The following R3HDM2 variants were observed in gnomAD, a reference collection of about 807,000 sequenced individuals.
R3HDM2 encodes the protein R3H domain-containing protein 2.
A neutral mutation model predicts 124.5 loss-of-function variants in R3HDM2; 38 were observed. The ratio of observed to expected loss-of-function variants is 0.31; its 90% CI spans 0.24 to 0.40. The LOEUF is 0.40. Among genes scored for constraint, R3HDM2 ranks in the 10% least tolerant of loss-of-function variants. The pLI, the probability that R3HDM2 is intolerant of heterozygous loss-of-function variation, is 1.00. For missense variants in R3HDM2, 869 were observed against 1,236.9 expected (o/e 0.70, Z 4.46); for synonymous variants, 391 against 448.0 (o/e 0.87, Z 1.61).
chr12:57,365,158 G>T (rs2062474525), intron 2 of R3HDM2, among the ~76,000 whole-genome samples: 1 of 151,288 alleles, frequency 6.6e-6, no homozygotes, highest in Non-Finnish European at 1.5e-5. Flanking sequence ...CAGCTACTAG[G>T]GAGGCTGAGA....
chr12:57,374,574 T>G (rs544613778), intron 2 of R3HDM2, among the ~76,000 whole-genome samples: 2 of 148,170 alleles, frequency 1.3e-5, no homozygotes, highest in African/African-American at 5.0e-5. Context: ...TCCCAGCTAC[T>G]TGGGAGGCTG....
intron 1 of R3HDM2, among the ~76,000 whole-genome samples, chr12:57,425,309 CTAATA>C (rs1475787045): frequency 6.6e-6 from 1 of 152,044 alleles, no homozygotes; most frequent in Non-Finnish European, 1.5e-5. Context: ...ATGAGAACTA[CTAATA>C]TAATTCTAGA....
chr12:57,257,216 T>C (rs953675264), intron 21 of R3HDM2, among the ~76,000 whole-genome samples: 1 of 152,182 alleles, frequency 6.6e-6, no homozygotes, highest in African/African-American at 2.4e-5. Flanking sequence ...GACAAGAGCA[T>C]AGTCGTGGAG....
chr12:57,318,901 G>A (rs2055761610), intron 2 of R3HDM2, among the ~76,000 whole-genome samples: 1 of 152,094 alleles, frequency 6.6e-6, no homozygotes, highest in South Asian at 2.1e-4. Flanking sequence ...CACACAACTG[G>A]CATATGGCAG....
chr12:57,254,958 C>T lies in R3HDM2; in HGVS notation c.2788G>A (p.Gly930Arg). 5.0e-6 allele frequency: 8 copies of T among 1,614,086 alleles called. No homozygotes were observed. Among genetic ancestry groups the T allele is most frequent in the Non-Finnish European group, 6.8e-6 (8 of 1,179,982 alleles). ...LPGGGGGDNS[G>R]TAENGRHSDL... is the part of the protein sequence containing the mutation. ...GAGTGGCGGCCATTCTCAGCAGTCC[C>T]ACTGTTGTCCCCCCCACCCCCTCCA... Residue 930 changes from glycine (G) to arginine (R), a missense_variant, in exon 24 of 24, where the codon GGG becomes AGG. Around this residue, in one of 2 missense-constraint regions of R3HDM2, gnomAD observed 602 missense variants for 789.2 expected, o/e 0.76. Transcript: ENST00000402412.
At chr12:57,285,563 G>A (rs1241117084) in intron 12 of R3HDM2, among the ~76,000 whole-genome samples, 1 of 152,104 alleles carries the variant, frequency 6.6e-6, no homozygotes, top group Admixed American at 6.6e-5. Flanking sequence ...AATGCCAAAA[G>A]TAGAATGGGA....
chr12:57,361,096 T>C (rs556584649), intron 2 of R3HDM2, among the ~76,000 whole-genome samples: 1 of 149,376 alleles, frequency 6.7e-6, no homozygotes, highest in Admixed American at 6.7e-5. Flanking sequence ...AGCATAGGCT[T>C]TTCTTACAGT....
rs891771891 is a variant in R3HDM2 at position 57,371,961 on chromosome 12, G to A, written c.-36+23788C>T. On this transcript the variant is annotated intron_variant, in intron 2 of 23. Transcript: ENST00000402412. ...CGGCTCACTATAACCTCCGCCTCCC[G>A]GGTTCAAGCGATTCTCCTGCCTCAG... 2.8e-4 allele frequency among the ~76,000 whole-genome samples: 42 copies of A among 152,288 alleles called. 1 individual carries two copies. The East Asian group carries it at 6.4e-3, about 23-fold the overall frequency.
chr12:57,303,750 C>G (rs1462906100), intron 3 of R3HDM2, among the ~76,000 whole-genome samples: 1 of 151,998 alleles, frequency 6.6e-6, no homozygotes, highest in Non-Finnish European at 1.5e-5. Context: ...CTACTGCACT[C>G]CAGCCTGGGT....
At chr12:57,378,534 C>T (rs2064392081) in intron 2 of R3HDM2, among the ~76,000 whole-genome samples, 1 of 152,076 alleles carries the variant, frequency 6.6e-6, no homozygotes, top group Non-Finnish European at 1.5e-5. Flanking sequence ...TATGCCACCA[C>T]GACTGGCTAA....
In R3HDM2 at chr12:57,418,798, G is replaced by C. The variant is rs139189486; in HGVS notation, c.-106+11922C>G. Among the ~76,000 whole-genome samples, 28 of 152,186 alleles carry C rather than the reference G, an allele frequency of 1.8e-4. 1 individual carries two copies. In the East Asian group the frequency reaches 5.4e-3, roughly 29 times the overall value. The stretch of plus-strand genomic sequence containing the variant: ...ATAGTGATCTCAAACTCTGACTTCA[G>C]GTGATCTGCCCGCCTTAACCTCCCA... On this transcript the variant is annotated intron_variant, in intron 1 of 23. Transcript: ENST00000402412.
intron 2 of R3HDM2, among the ~76,000 whole-genome samples, chr12:57,389,929 G>C (rs1437508927): frequency 6.6e-6 from 1 of 152,080 alleles, no homozygotes; most frequent in Non-Finnish European, 1.5e-5. Flanking sequence ...TGATTGATTT[G>C]CAATTTTCTG....
At chr12:57,425,697 T>C (rs1055573255) in intron 1 of R3HDM2, among the ~76,000 whole-genome samples, 1 of 151,324 alleles carries the variant, frequency 6.6e-6, no homozygotes, top group Non-Finnish European at 1.5e-5. Context: ...AGTTGGGAGG[T>C]TGAGGCAGAA....
chr12:57,324,976 G>T (rs1457917792), intron 2 of R3HDM2, among the ~76,000 whole-genome samples: 1 of 152,188 alleles, frequency 6.6e-6, no homozygotes, highest in Non-Finnish European at 1.5e-5. Context: ...TACACCAGAG[G>T]CATGGTGCCC....
At chr12:57,330,787 C>T (rs1385533507) in intron 2 of R3HDM2, among the ~76,000 whole-genome samples, 3 of 147,914 alleles carry the variant, frequency 2.0e-5, no homozygotes, top group Non-Finnish European at 4.5e-5. Context: ...CAAGCTCCGC[C>T]TCCCGGGTTC....
intron 2 of R3HDM2, among the ~76,000 whole-genome samples, chr12:57,391,318 T>C (rs1336958998): frequency 6.6e-6 from 1 of 152,066 alleles, no homozygotes; most frequent in African/African-American, 2.4e-5. Context: ...TTAAGCTAAG[T>C]GGGGCAGGGG....
Position 57,296,656 on chromosome 12 carries a change from G to A in R3HDM2, c.561-105C>T. 1 of 1,172,644 alleles carries A rather than the reference G, an allele frequency of 8.5e-7. No homozygotes were observed. The allele number at this position is 1,172,644 out of a possible 1,614,324, so 72.6% of individuals were successfully genotyped here. On this transcript the variant is annotated intron_variant, in intron 8 of 23. Transcript: ENST00000402412. The surrounding 1 kb of genome is among the most constrained non-coding windows in gnomAD (Gnocchi z 4.5). ...GTCTAAAGTGGAAAGTTTCTTAGGA[G>A]AAATAGACATATTATAAGGAATATA...
chr12:57,385,018 G>A (rs111644916), intron 2 of R3HDM2, among the ~76,000 whole-genome samples: 2 of 151,960 alleles, frequency 1.3e-5, no homozygotes, highest in South Asian at 2.1e-4. Flanking sequence ...GTTGTGGCAG[G>A]TGCCTGTAAT....
At chr12:57,323,833 G>A (rs148245749) in intron 2 of R3HDM2, among the ~76,000 whole-genome samples, 13 of 152,160 alleles carry the variant, frequency 8.5e-5, no homozygotes, top group South Asian at 2.1e-4. Flanking sequence ...AGAACAAACC[G>A]AATAGCCTCC....
Sources: allele counts gnomAD v4.1 joint callset (sites outside exome capture counted in the v4.1 genomes callset), GRCh38; gene constraint gnomAD v4.1.1; regional missense constraint gnomAD v4.1.1; non-coding constraint Gnocchi (gnomAD v3.1); transcripts MANE v1.5; gene names NCBI Gene and HGNC (gene_info 2026-07-23, HGNC 2026-07-21).